Variants in CSMD3 observed in about 807,000 individuals in gnomAD.
CSMD3 encodes the protein CUB and sushi domain-containing protein 3.
CSMD3 carries 177 observed loss-of-function variants against 435.2 expected under a neutral mutation model. That is an observed-to-expected ratio of 0.41 (90% CI 0.36 to 0.46). The LOEUF (loss-of-function observed/expected upper bound fraction) is 0.46, where lower values mean the gene tolerates loss of function less well. CSMD3 is among the 20% of genes least tolerant of loss of function. The probability of loss-of-function intolerance (pLI) is 0.34; values close to 1 mark genes in which losing one functional copy is unlikely to be tolerated. For synonymous variants in CSMD3, 1,656 were observed against 1,520.5 expected, an observed-to-expected ratio of 1.09 and a Z score of -2.07; for missense variants, 4,265 against 4,504.6, an observed-to-expected ratio of 0.95 and a Z score of 1.52.
intron 9 of CSMD3, among the ~76,000 whole-genome samples, chr8:112,928,633 CT>C (rs1451136961): frequency 6.7e-6 from 1 of 150,212 alleles, no homozygotes; most frequent in African/African-American, 2.5e-5. Context: ...TTTTTTATGG[CT>C]GCATAGTATT....
rs552755363 is a variant in CSMD3 at position 112,598,636 on chromosome 8, A to G, written c.3716-11401T>C. Among the ~76,000 whole-genome samples, 751 of 150,518 alleles carry G rather than the reference A, an allele frequency of 5.0e-3. 5 individuals carry two copies. The highest frequency in any genetic ancestry group is 0.017 in the African/African-American group (693 of 40,862). ...TCAAACTATACTACAAGGCTACAGTAACCAAAACAGCATGGTACTGGTACC... is the reference window on the plus strand; with the variant it reads ...TCAAACTATACTACAAGGCTACAGTGACCAAAACAGCATGGTACTGGTACC... On this transcript the variant is annotated intron_variant, in intron 22 of 70. Transcript: ENST00000297405.
Position 112,295,911 on chromosome 8 carries a change from C to T in CSMD3, c.8536G>A (p.Gly2846Ser), listed in dbSNP as rs2130715069. 6.2e-7 allele frequency: 1 copy of T among 1,613,794 alleles called. No individual in the cohort carries two copies. The highest frequency in any genetic ancestry group is 8.5e-7 in the Non-Finnish European group (1 of 1,179,814). ...RDTVVYQCNPGFRLIGSSVRI... is the reference protein window; with the variant it reads ...RDTVVYQCNPSFRLIGSSVRI... ...ACTGAAGAACCAATCAATCGAAAACCAGGATTACATTGATATACAACTGTG... is the reference window on the plus strand; with the variant it reads ...ACTGAAGAACCAATCAATCGAAAACTAGGATTACATTGATATACAACTGTG... Residue 2846 changes from glycine to serine, a missense_variant, in exon 54 of 71, where the codon GGT becomes AGT. Gly to Ser is a moderately conservative substitution (Grantham distance 56, BLOSUM62 0). Coordinates refer to ENST00000297405, the MANE Select transcript of CSMD3 (RefSeq NM_198123.2).
At chr8:113,049,944 A>G (rs938024843) in intron 5 of CSMD3, among the ~76,000 whole-genome samples, 2 of 152,138 alleles carry the variant, frequency 1.3e-5, no homozygotes, top group African/African-American at 2.4e-5. Context: ...ATTACAGCAC[A>G]TCTCATCATT....
chr8:112,646,779 A>C (rs1212033052), intron 19 of CSMD3, among the ~76,000 whole-genome samples: 1 of 152,188 alleles, frequency 6.6e-6, no homozygotes, highest in East Asian at 1.9e-4. Flanking sequence ...CACTGAAGAG[A>C]ATGGACTTAA....
chr8:113,059,699 G>T (rs917936607), intron 5 of CSMD3, among the ~76,000 whole-genome samples: 1 of 152,124 alleles, frequency 6.6e-6, no homozygotes, highest in African/African-American at 2.4e-5. Context: ...TCAGAACTAT[G>T]AATCACTTTA....
rs1587020387 is a variant in CSMD3, at chr8:112,705,567, A to C, written c.1973-15517T>G. On this transcript the variant is annotated intron_variant, in intron 13 of 70. Transcript: ENST00000297405. ...TCCCGTTAATCTGACATGAGATATC[A>C]TGTAAGTTTCTTAGGCCTAGTCAGA... Among the ~76,000 whole-genome samples, 5 of 152,158 alleles carry C rather than the reference A, an allele frequency of 3.3e-5. No homozygotes were observed. In the South Asian group the frequency reaches 1.0e-3, roughly 32 times the overall value.
At chr8:112,517,280 A>T in intron 27 of CSMD3, 55 bp from the exon 28 acceptor site, 5 of 1,274,026 alleles carry the variant, frequency 3.9e-6, no homozygotes, top group Non-Finnish European at 3.4e-6. Flanking sequence ...AATCAATTTC[A>T]TATATCCCTG....
In CSMD3 at chr8:112,387,636, G is replaced by A. The variant is rs141614357; in HGVS notation, c.5934+3028C>T. On this transcript the variant is annotated intron_variant, in intron 36 of 70. Coordinates refer to ENST00000297405, the MANE Select transcript of CSMD3 (RefSeq NM_198123.2). Reference sequence around the variant, plus strand: ...GCCCCAAATGCTTTACACACTATATGTTTGCTAAACGTGCTGCTAAACTCA... The same window carrying A: ...GCCCCAAATGCTTTACACACTATATATTTGCTAAACGTGCTGCTAAACTCA... Among the ~76,000 whole-genome samples the A allele has an allele frequency of 2.6e-4, 40 of 152,084 alleles. No homozygotes were observed. The East Asian group carries it at 5.4e-3, about 21-fold the overall frequency.
At chr8:113,373,899 T>A (rs2094362248) in intron 1 of CSMD3, among the ~76,000 whole-genome samples, 1 of 152,128 alleles carries the variant, frequency 6.6e-6, no homozygotes. Flanking sequence ...TCAATTTCAG[T>A]AAATGTATAT....
At chr8:112,364,985 T>C (rs1827625126) in intron 38 of CSMD3, among the ~76,000 whole-genome samples, 1 of 152,148 alleles carries the variant, frequency 6.6e-6, no homozygotes, top group South Asian at 2.1e-4. Flanking sequence ...TTCACAAGAC[T>C]ATGTAACCAA....
At chr8:112,952,707 A>G (rs1427764029) in intron 8 of CSMD3, among the ~76,000 whole-genome samples, 1 of 151,514 alleles carries the variant, frequency 6.6e-6, no homozygotes, top group African/African-American at 2.4e-5. Flanking sequence ...CTTATCTTCA[A>G]AAAAATGAAA....
chr8:112,458,187 A>T (rs1050386174), intron 32 of CSMD3, among the ~76,000 whole-genome samples: 12 of 149,724 alleles, frequency 8.0e-5, no homozygotes, highest in African/African-American at 2.7e-4. Context: ...AGTCCCCTTC[A>T]AATACGTACA....
intron 1 of CSMD3, among the ~76,000 whole-genome samples, chr8:113,393,254 C>T (rs909635556): frequency 1.3e-5 from 2 of 151,886 alleles, no homozygotes; most frequent in Non-Finnish European, 2.9e-5. Context: ...TGGCAACCAA[C>T]ATTTTGAAAG....
chr8:113,419,253 G>A (rs1189061737), intron 1 of CSMD3, among the ~76,000 whole-genome samples: 2 of 151,612 alleles, frequency 1.3e-5, no homozygotes, highest in Non-Finnish European at 1.5e-5. Context: ...GAGTAGATGG[G>A]ATTACAGGCA....
At chr8:113,235,730 G>A (rs72687677) in intron 3 of CSMD3, among the ~76,000 whole-genome samples, 2,877 of 152,240 alleles carry the variant, frequency 0.019, 46 homozygotes, top group Non-Finnish European at 0.025. Context: ...AAGGTAGGCA[G>A]CACCATCCAA....
chr8:113,122,941 CAA>C (rs201873549), intron 4 of CSMD3, among the ~76,000 whole-genome samples: 7 of 136,896 alleles, frequency 5.1e-5, no homozygotes, highest in Admixed American at 7.4e-5. Flanking sequence ...GGAAATAAGG[CAA>C]AAAAAAAAAA....
intron 6 of CSMD3, among the ~76,000 whole-genome samples, chr8:113,003,141 A>G (rs2131080810): frequency 6.6e-6 from 1 of 152,198 alleles, no homozygotes; most frequent in East Asian, 1.9e-4. Context: ...GCTACTTGGG[A>G]GGCTGAGGCA....
In CSMD3 at chr8:112,573,653, T is replaced by TA; in HGVS notation, c.3889dup (p.Tyr1297LeufsTer2). On this transcript the variant is annotated frameshift_variant, in exon 24 of 71. Coordinates refer to ENST00000297405, the MANE Select transcript of CSMD3 (RefSeq NM_198123.2). LOFTEE classifies it high-confidence loss of function. ...ATGAGTCGTTTTATCTTTTCCATCA[T>TA]AAATCTGCAAAATATATTTATAATT... 1 of 1,564,076 alleles carries TA rather than the reference T, an allele frequency of 6.4e-7. No homozygotes were observed. Among genetic ancestry groups the TA allele is most frequent in the Non-Finnish European group, 8.8e-7 (1 of 1,140,248 alleles).
intron 32 of CSMD3, among the ~76,000 whole-genome samples, chr8:112,432,518 A>T (rs972679503): frequency 1.3e-5 from 2 of 151,888 alleles, no homozygotes; most frequent in Non-Finnish European, 1.5e-5. Flanking sequence ...TCACTATGTT[A>T]CTCAGGCTGG....
Sources: gnomAD v4.1 joint callset for allele counts (sites outside exome capture counted in the v4.1 genomes callset) on GRCh38, gnomAD v4.1.1 for gene constraint, MANE v1.5 for transcripts, NCBI Gene and HGNC (gene_info 2026-07-23, HGNC 2026-07-21) for gene names.